Variants in DCC observed in about 807,000 individuals in gnomAD.
DCC encodes DCC netrin 1 receptor.
In DCC, 58 loss-of-function variants were observed where a neutral mutation model predicts 172.5. That is an observed-to-expected ratio of 0.34 (90% CI 0.27 to 0.42). The LOEUF (loss-of-function observed/expected upper bound fraction) is 0.42, where lower values mean the gene tolerates loss of function less well. DCC is among the 10% of genes least tolerant of loss of function. The pLI, the probability that DCC is intolerant of heterozygous loss-of-function variation, is 1.00. For synonymous variants in DCC, 709 were observed against 644.5 expected, an observed-to-expected ratio of 1.10 and a Z score of -1.52; for missense variants, 1,740 against 1,791.0, an observed-to-expected ratio of 0.97 and a Z score of 0.51.
chr18:53,010,568 T>C (rs895696877), intron 5 of DCC, among the ~76,000 whole-genome samples: 2 of 151,448 alleles, frequency 1.3e-5, no homozygotes, highest in South Asian at 2.1e-4. Context: ...TTTAAATATA[T>C]ATGTACATAG....
In DCC at chr18:53,011,824, G is replaced by A. The variant is rs535549028; in HGVS notation, c.986-51481G>A. Reference sequence around the variant, plus strand: ...AACCTATATGGCACAGGTTTATCCAGTCCTTCATCCGGTCACATATTCATA... The same window carrying A: ...AACCTATATGGCACAGGTTTATCCAATCCTTCATCCGGTCACATATTCATA... On this transcript the variant is annotated intron_variant, in intron 5 of 28. Transcript: ENST00000442544. Among the ~76,000 whole-genome samples the A allele has an allele frequency of 7.9e-5, 12 of 151,424 alleles. No homozygotes were observed. The South Asian group carries it at 2.5e-3, about 31-fold the overall frequency.
At chr18:52,891,505 C>T (rs866345385) in intron 2 of DCC, among the ~76,000 whole-genome samples, 1 of 151,992 alleles carries the variant, frequency 6.6e-6, no homozygotes, top group African/African-American at 2.4e-5. Flanking sequence ...TGGGGGTCAA[C>T]CTCTCTAACC....
At chr18:52,527,808 C>G (rs2032028391) in intron 1 of DCC, among the ~76,000 whole-genome samples, 1 of 152,106 alleles carries the variant, frequency 6.6e-6, no homozygotes, top group Non-Finnish European at 1.5e-5. Flanking sequence ...AATTACTATA[C>G]CTATTTGGCA....
chr18:52,845,056 C>T (rs755594290), intron 2 of DCC, among the ~76,000 whole-genome samples: 6 of 152,332 alleles, frequency 3.9e-5, no homozygotes, highest in Middle Eastern at 6.8e-3. Context: ...ATCTGACCTC[C>T]GTCTTGACAA....
At chr18:53,024,480 T>A (rs12955701) in intron 5 of DCC, among the ~76,000 whole-genome samples, 110,357 of 151,956 alleles carry the variant, frequency 0.73, 40,231 homozygotes, top group East Asian at 0.75. Context: ...TGCTTTTTAC[T>A]CTCATTAGCT....
intron 2 of DCC, among the ~76,000 whole-genome samples, chr18:52,759,750 C>A (rs1307541451): frequency 6.6e-6 from 1 of 152,056 alleles, no homozygotes; most frequent in Non-Finnish European, 1.5e-5. Context: ...CTTTACATCA[C>A]AAGGAAAATA....
chr18:53,024,352 A>G (rs2041926321), intron 5 of DCC, among the ~76,000 whole-genome samples: 1 of 152,138 alleles, frequency 6.6e-6, no homozygotes, highest in Non-Finnish European at 1.5e-5. Context: ...ATTCTTCACT[A>G]AGGACTTTTG....
intron 24 of DCC, among the ~76,000 whole-genome samples, chr18:53,466,955 A>G (rs186391472): frequency 2.6e-5 from 4 of 152,284 alleles, no homozygotes; most frequent in African/African-American, 9.6e-5. Context: ...TTTATTTTAA[A>G]TTGTAGTAAT....
intron 11 of DCC, among the ~76,000 whole-genome samples, chr18:53,211,592 C>T (rs972038360): frequency 2.0e-5 from 3 of 152,048 alleles, no homozygotes; most frequent in South Asian, 2.1e-4. Flanking sequence ...GGCGTGGTGG[C>T]GGGCGCCTGT....
At chr18:52,688,602 T>C (rs1165523140) in intron 1 of DCC, among the ~76,000 whole-genome samples, 2 of 152,010 alleles carry the variant, frequency 1.3e-5, no homozygotes, top group Non-Finnish European at 1.5e-5. Flanking sequence ...GCCCTATATA[T>C]GAGATTAATG....
At chr18:53,208,734 C>A (rs2055698035) in intron 11 of DCC, among the ~76,000 whole-genome samples, 1 of 152,048 alleles carries the variant, frequency 6.6e-6, no homozygotes, top group African/African-American at 2.4e-5. Context: ...CTTTTCTTTT[C>A]TTTTCCTTTT....
chr18:52,625,533 C>G (rs890914138), intron 1 of DCC, among the ~76,000 whole-genome samples: 3 of 152,180 alleles, frequency 2.0e-5, no homozygotes, highest in Non-Finnish European at 2.9e-5. Flanking sequence ...CTCACTCCCT[C>G]TTTCCTACTT....
At chr18:53,115,666 T>C (rs2043398334) in intron 7 of DCC, among the ~76,000 whole-genome samples, 1 of 151,670 alleles carries the variant, frequency 6.6e-6, no homozygotes, top group Non-Finnish European at 1.5e-5. Context: ...CTAACTGTTT[T>C]GTACATAAAA....
At chr18:52,752,869 T>TTG in intron 2 of DCC, among the ~76,000 whole-genome samples, 1 of 152,164 alleles carries the variant, frequency 6.6e-6, no homozygotes, top group Non-Finnish European at 1.5e-5. Context: ...TTTCAGTGCC[T>TTG]GGCATGTTTC....
chr18:53,097,450 T>G lies in DCC; in HGVS notation c.1261+31284T>G, dbSNP rs535279351. On this transcript the variant is annotated intron_variant, in intron 7 of 28. Coordinates refer to ENST00000442544, the MANE Select transcript of DCC (RefSeq NM_005215.4). ...GTGCCTAACTTCTATATGCTGGACC[T>G]GATGTCATTTTAAAATAATATATGT... 2.6e-5 allele frequency among the ~76,000 whole-genome samples: 4 copies of G among 152,350 alleles called. No homozygotes were observed. In the East Asian group the frequency reaches 7.7e-4, roughly 29 times the overall value.
chr18:52,488,028 C>T (rs868380268), intron 1 of DCC, among the ~76,000 whole-genome samples: 2 of 151,958 alleles, frequency 1.3e-5, no homozygotes, highest in Non-Finnish European at 2.9e-5. Flanking sequence ...TCAATTGTTC[C>T]CATCCCAATC....
At chr18:52,596,131 G>T (rs1478848303) in intron 1 of DCC, among the ~76,000 whole-genome samples, 1 of 152,158 alleles carries the variant, frequency 6.6e-6, no homozygotes. Flanking sequence ...GATCTGGAAG[G>T]TACCAGTCTC....
intron 2 of DCC, among the ~76,000 whole-genome samples, chr18:52,899,822 C>T (rs2039784796): frequency 1.3e-5 from 2 of 152,114 alleles, no homozygotes; most frequent in South Asian, 2.1e-4. Flanking sequence ...TTATGCTTTC[C>T]TAGTTATTGC....
At chr18:53,160,988 C>T (rs2054830006) in intron 8 of DCC, among the ~76,000 whole-genome samples, 1 of 152,212 alleles carries the variant, frequency 6.6e-6, no homozygotes, top group African/African-American at 2.4e-5. Context: ...TTCAGCCATT[C>T]TTTCTCTCTT....
Sources: gnomAD v4.1 joint callset for allele counts (sites outside exome capture counted in the v4.1 genomes callset) on GRCh38, gnomAD v4.1.1 for gene constraint, MANE v1.5 for transcripts, NCBI Gene and HGNC (gene_info 2026-07-23, HGNC 2026-07-21) for gene names.